The following ITGA2 variants were observed in gnomAD, a reference collection of about 807,000 sequenced individuals.
The protein encoded by ITGA2 is integrin alpha-2.
Under a neutral mutation model 146.3 loss-of-function variants are expected in ITGA2, and 101 were observed. The observed-to-expected ratio is 0.69, with a 90% CI of 0.59 to 0.81. The LOEUF (loss-of-function observed/expected upper bound fraction) is 0.81. ITGA2 is among the 40% of genes least tolerant of loss of function. ITGA2 has a pLI of 0.00. For synonymous variants in ITGA2, 477 were observed against 487.1 expected (o/e 0.98, Z 0.27); for missense variants, 1,281 against 1,402.7 (o/e 0.91, Z 1.39).
chr5:53,063,022 A>T (rs771088117), intron 13 of ITGA2, 93 bp downstream of exon 13: 1 of 1,027,994 alleles, frequency 9.7e-7, no homozygotes, highest in Non-Finnish European at 1.5e-6. Context: ...TTATTGAATG[A>T]TAATTTGCAC....
intron 1 of ITGA2, among the ~76,000 whole-genome samples, chr5:53,016,249 C>G (rs572953036): frequency 9.9e-5 from 15 of 152,268 alleles, no homozygotes; most frequent in African/African-American, 3.6e-4. Context: ...TCTAGCACCC[C>G]CTTAAGGACC....
chr5:53,090,373 A>C (rs532711944), intron 29 of ITGA2, 146 bp from the exon 30 acceptor site: 3 of 731,228 alleles, frequency 4.1e-6, no homozygotes, highest in South Asian at 3.0e-5. Context: ...CAGGTGGTAG[A>C]TATCAGGTCA....
intron 11 of ITGA2, among the ~76,000 whole-genome samples, chr5:53,060,624 T>C (rs1302665463): frequency 6.6e-6 from 1 of 151,918 alleles, no homozygotes; most frequent in Non-Finnish European, 1.5e-5. Context: ...ATTTTTTGAA[T>C]GCCAGGTTCA....
Position 53,056,133 on chromosome 5 carries a change from A to C in ITGA2, c.1080A>C (p.Gln360His), listed in dbSNP as rs151146638. The C allele has an allele frequency of 3.7e-6, 6 of 1,611,590 alleles. No individual in the cohort carries two copies. In the African/African-American group the frequency reaches 8.0e-5, roughly 22 times the overall value. Residue 360 changes from glutamine (Q) to histidine (H), a missense_variant, in exon 9 of 30, where the codon CAA becomes CAC. Transcript: ENST00000296585. ...LLEKAGTLGE[Q>H]IFSIEGTVQG... The stretch of plus-strand genomic sequence containing the variant: ...AAAAGGCTGGGACATTAGGAGAACA[A>C]ATTTTCAGCATTGAAGGTAAAAAAA...
intron 6 of ITGA2, among the ~76,000 whole-genome samples, chr5:53,049,074 C>T (rs769534606): frequency 1.3e-5 from 2 of 151,520 alleles, no homozygotes; most frequent in Non-Finnish European, 2.9e-5. Flanking sequence ...TGCAATGGCA[C>T]GATTTAGGCT....
chr5:53,000,665 G>A (rs998693774), intron 1 of ITGA2, among the ~76,000 whole-genome samples: 7 of 151,964 alleles, frequency 4.6e-5, no homozygotes, highest in Admixed American at 6.6e-5. Flanking sequence ...CAGTTTATGA[G>A]TTTCTATTTG....
rs529228313 is a variant in ITGA2 at position 52,994,437 on chromosome 5, C to T, written c.64+4905C>T. Among the ~76,000 whole-genome samples the T allele has an allele frequency of 3.5e-3, 529 of 152,294 alleles. 1 individual carries two copies. Among genetic ancestry groups the T allele is most frequent in the South Asian group, 5.4e-3 (26 of 4,824 alleles). On this transcript the variant is annotated intron_variant, in intron 1 of 29. Coordinates refer to ENST00000296585, the MANE Select transcript of ITGA2 (RefSeq NM_002203.4). ...CTGGTCCCAGGCATCTGGGCTGTGTCTGATTTAGCCATGGGCATGTAATGC... is the reference window on the plus strand; with the variant it reads ...CTGGTCCCAGGCATCTGGGCTGTGTTTGATTTAGCCATGGGCATGTAATGC...
rs111934201 is a variant in ITGA2 at position 53,081,293 on chromosome 5, C to T, written c.3040-299C>T. Among the ~76,000 whole-genome samples, 7 of 152,198 alleles carry T rather than the reference C, an allele frequency of 4.6e-5. No homozygotes were observed. In the South Asian group the frequency reaches 1.2e-3, roughly 27 times the overall value. On this transcript the variant is annotated intron_variant, in intron 25 of 29. Coordinates refer to ENST00000296585, the MANE Select transcript of ITGA2 (RefSeq NM_002203.4). ...AGGAGGCTACAGAAAAATCAAAATCCTAAAATGTTCCAGAGAAAATTACCC... is the reference window on the plus strand; with the variant it reads ...AGGAGGCTACAGAAAAATCAAAATCTTAAAATGTTCCAGAGAAAATTACCC...
At chr5:52,992,724 G>A in intron 1 of ITGA2, among the ~76,000 whole-genome samples, 1 of 152,092 alleles carries the variant, frequency 6.6e-6, no homozygotes, top group East Asian at 1.9e-4. Context: ...TTTCACTAAT[G>A]ATATCTTTCT....
At chr5:53,034,932 C>G (rs1743412307) in intron 2 of ITGA2, among the ~76,000 whole-genome samples, 1 of 152,128 alleles carries the variant, frequency 6.6e-6, no homozygotes, top group Non-Finnish European at 1.5e-5. Flanking sequence ...GGCAGGGGTG[C>G]AGATATATAG....
intron 7 of ITGA2, among the ~76,000 whole-genome samples, chr5:53,053,759 GTCTC>G (rs923445770): frequency 6.6e-6 from 1 of 151,808 alleles, no homozygotes; most frequent in Non-Finnish European, 1.5e-5. Context: ...GTAATTGCCT[GTCTC>G]TCTCTCTCTG....
rs189864027 is a variant in ITGA2 at position 53,001,290 on chromosome 5, C to T, written c.64+11758C>T. Among the ~76,000 whole-genome samples the T allele has an allele frequency of 8.1e-4, 124 of 152,156 alleles. 2 individuals carry two copies. In the South Asian group the frequency reaches 0.022, roughly 27 times the overall value. On this transcript the variant is annotated intron_variant, in intron 1 of 29. Coordinates refer to ENST00000296585, the MANE Select transcript of ITGA2 (RefSeq NM_002203.4). ...TGACCAATGAGGTTTATCTGAGGTG[C>T]GATTATTGCTAATTGAAGCAGTGCC...
rs2111898270 is a variant in ITGA2 at position 53,045,109 on chromosome 5, C to T, written c.387+17C>T. On this transcript the variant is annotated intron_variant, in intron 4 of 29. Coordinates refer to ENST00000296585, the MANE Select transcript of ITGA2 (RefSeq NM_002203.4). ...GGTTTTCTCGTGAGTGTTTACTTTA[C>T]AAATCATTATTCCTCTCAAGAAAGT... 6.4e-7 allele frequency: 1 copy of T among 1,570,894 alleles called. No homozygotes were observed. The highest frequency in any genetic ancestry group is 8.8e-7 in the Non-Finnish European group (1 of 1,140,580).
At position 53,062,789 on chromosome 5, in the gene ITGA2, G is replaced by T; in HGVS notation, c.1462G>T (p.Gly488Cys). ...VIQAHRGDQIGSYFGSVLCSV... is the reference protein window; with the variant it reads ...VIQAHRGDQICSYFGSVLCSV... ...TTAACATGTTTTATTACTCCAGATT[G>T]GCTCCTATTTTGGTAGTGTGCTGTG... is the stretch of plus-strand genomic sequence containing the variant. Residue 488 changes from glycine (G) to cysteine (C), a missense_variant, in exon 13 of 30, where the codon GGC (glycine) becomes TGC (cysteine). This residue lies in a region of ITGA2 where 795 missense variants were observed against 841.7 expected (regional missense o/e 0.94). Transcript: ENST00000296585. The T allele has an allele frequency of 2.5e-6, 4 of 1,611,104 alleles. No homozygotes were observed. The highest frequency in any genetic ancestry group is 3.4e-6 in the Non-Finnish European group (4 of 1,177,894).
chr5:52,990,291 C>T (rs141981275), intron 1 of ITGA2: 1 of 152,490 alleles, frequency 6.6e-6, no homozygotes, highest in East Asian at 1.9e-4. Flanking sequence ...GAGAATAAGC[C>T]GGAGCAGCCG....
Position 53,074,457 on chromosome 5 carries a change from G to A in ITGA2, c.2644G>A (p.Ala882Thr), listed in dbSNP as rs1402105977. 1.2e-6 allele frequency: 2 copies of A among 1,612,126 alleles called. No homozygotes were observed. The highest frequency in any genetic ancestry group is 4.5e-5 in the East Asian group (2 of 44,768). The change falls in exon 21 of 30, where the codon GCT becomes ACT. Residue 882 changes from alanine to threonine, a missense_variant. Physicochemically the swap from Ala to Thr is moderately conservative, Grantham distance 58 (BLOSUM62 0). Transcript: ENST00000296585. ...TGTTGCCTGCGATGTAGGCTACCCT[G>A]CTTTAAAGAGAGAACAACAGGTACA... Reference protein sequence around the residue: ...KSVACDVGYPALKREQQVTFT... With the variant: ...KSVACDVGYPTLKREQQVTFT...
At chr5:53,046,194 C>CAAAAAAAAAA (rs58926174) in intron 4 of ITGA2, among the ~76,000 whole-genome samples, 30 of 99,040 alleles carry the variant, frequency 3.0e-4, no homozygotes, top group South Asian at 7.1e-4. Flanking sequence ...GACTCTGTCT[C>CAAAAAAAAAA]AAAAAAAAAA....
At chr5:53,076,296 A>G (rs1745659369) in intron 23 of ITGA2, among the ~76,000 whole-genome samples, 1 of 152,016 alleles carries the variant, frequency 6.6e-6, no homozygotes, top group African/African-American at 2.4e-5. Context: ...TCTAACTTCT[A>G]CCACATCACT....
intron 24 of ITGA2, 57 bp downstream of exon 24, chr5:53,078,931 T>G (rs1310424531): frequency 4.2e-6 from 4 of 959,750 alleles, no homozygotes; most frequent in Non-Finnish European, 6.8e-6. Context: ...AGAAAAAAAA[T>G]GAGTCTGGAA....
Sources: gnomAD v4.1 joint callset for allele counts (sites outside exome capture counted in the v4.1 genomes callset) on GRCh38, gnomAD v4.1.1 for gene constraint, gnomAD v4.1.1 regional missense constraint, MANE v1.5 for transcripts, NCBI Gene and HGNC (gene_info 2026-07-23, HGNC 2026-07-21) for gene names.